Variants in NUP133 observed in about 807,000 individuals in gnomAD.
The protein encoded by NUP133 is nucleoporin 133.
In NUP133, 66 loss-of-function variants were observed where a neutral mutation model predicts 146.2. The observed-to-expected ratio is 0.45, with a 90% CI of 0.37 to 0.55. NUP133 has a LOEUF of 0.55. Ranked by LOEUF, NUP133 falls within the 20% of genes least tolerant of loss-of-function variation. NUP133 has a pLI of 0.00. For synonymous variants in NUP133, 521 were observed against 498.8 expected, an observed-to-expected ratio of 1.04 and a Z score of -0.59; for missense variants, 1,277 against 1,374.8, an observed-to-expected ratio of 0.93 and a Z score of 1.12.
chr1:229,483,179 G>C (rs1019204246), intron 12 of NUP133, among the ~76,000 whole-genome samples: 2 of 152,140 alleles, frequency 1.3e-5, no homozygotes, highest in African/African-American at 4.8e-5. Flanking sequence ...GCTCACAGTA[G>C]ACTTGGCCTC....
intron 21 of NUP133, among the ~76,000 whole-genome samples, chr1:229,457,948 T>C (rs973646031): frequency 3.3e-5 from 5 of 152,242 alleles, no homozygotes; most frequent in Admixed American, 2.6e-4. Context: ...GTCTATTCTT[T>C]AGGAATTCTT....
intron 12 of NUP133, among the ~76,000 whole-genome samples, chr1:229,478,413 C>T (rs1358307510): frequency 4.0e-5 from 6 of 151,606 alleles, no homozygotes; most frequent in African/African-American, 1.5e-4. Context: ...GGAAAACTTC[C>T]TAACAGGTAA....
chr1:229,472,352 T>G (rs1251887137), intron 14 of NUP133, among the ~76,000 whole-genome samples: 3 of 149,796 alleles, frequency 2.0e-5, no homozygotes, highest in African/African-American at 7.4e-5. Context: ...AGGTGGAGTT[T>G]TCATGCAAGG....
chr1:229,493,858 C>A (rs940101724), intron 8 of NUP133, among the ~76,000 whole-genome samples: 2 of 152,182 alleles, frequency 1.3e-5, no homozygotes, highest in Non-Finnish European at 2.9e-5. Flanking sequence ...CATGGCCAGG[C>A]GTGGTGGCTG....
Position 229,458,166 on chromosome 1 carries a change from A to G in NUP133, c.2975T>C (p.Ile992Thr), listed in dbSNP as rs987269199. Reference protein sequence around the residue: ...DFSEDMLQEKIEEMAEQERFL... With the variant: ...DFSEDMLQEKTEEMAEQERFL... ...TTTTGCTCAAATTCTTTCACCTTCA[A>G]TTTTTTCTTGTAGCATATCCTCTGA... Residue 992 changes from isoleucine (I) to threonine (T), a missense_variant, in exon 21 of 26, where the codon ATT (isoleucine) becomes ACT (threonine). Transcript: ENST00000261396. 7.5e-6 allele frequency: 12 copies of G among 1,607,658 alleles called. No individual in the cohort carries two copies. Among genetic ancestry groups the G allele is most frequent in the Non-Finnish European group, 1.0e-5 (12 of 1,176,590 alleles).
chr1:229,462,087 T>C (rs1174304982), intron 19 of NUP133, among the ~76,000 whole-genome samples: 1 of 152,246 alleles, frequency 6.6e-6, no homozygotes, highest in Non-Finnish European at 1.5e-5. Flanking sequence ...TTTTGCCATG[T>C]TGGCCAGGCT....
At chr1:229,489,169 G>C (rs904901057) in intron 9 of NUP133, among the ~76,000 whole-genome samples, 11 of 151,730 alleles carry the variant, frequency 7.2e-5, no homozygotes, top group African/African-American at 2.4e-4. Flanking sequence ...TTTTAGGATG[G>C]AGTCTCATTA....
rs1661780873 is a variant in NUP133, at chr1:229,500,840, C to T, written c.429G>A (p.Gln143=). 1 of 1,612,424 alleles carries T rather than the reference C, an allele frequency of 6.2e-7. No homozygotes were observed. Among genetic ancestry groups the T allele is most frequent in the African/African-American group, 1.3e-5 (1 of 74,904 alleles). ...TCCAGTGGAAATCACTAGGTGGCAG[C>T]TGAAGTTCTTTGCAAACGGATAACT... The part of the protein sequence containing the change: ...ITKLSVCKEL[Q]LPPSDFHWSA... Residue 143 remains glutamine, a synonymous_variant, in exon 4 of 26, where the codon CAG becomes CAA. Coordinates refer to ENST00000261396, the MANE Select transcript of NUP133 (RefSeq NM_018230.3).
intron 1 of NUP133, among the ~76,000 whole-genome samples, chr1:229,507,716 C>G (rs1216245295): frequency 1.3e-5 from 2 of 152,182 alleles, no homozygotes; most frequent in Non-Finnish European, 2.9e-5. Flanking sequence ...ACTCCTCTGG[C>G]TCAGGTGAGA....
In NUP133 at chr1:229,459,500, T is replaced by C. The variant is rs548983086; in HGVS notation, c.2844+1111A>G. Among the ~76,000 whole-genome samples, 8 of 152,334 alleles carry C rather than the reference T, an allele frequency of 5.3e-5. No individual in the cohort carries two copies. In the South Asian group the frequency reaches 1.2e-3, roughly 24 times the overall value. On this transcript the variant is annotated intron_variant, in intron 20 of 25. Coordinates refer to ENST00000261396, the MANE Select transcript of NUP133 (RefSeq NM_018230.3). ...TGAGTTCCTTATATGTATGTATATA[T>C]GTATATGTGTATGTGTGTACCTGTG...
intron 12 of NUP133, 92 bp from the exon 13 acceptor site, chr1:229,477,852 C>CA (rs1380662595): frequency 1.1e-4 from 103 of 912,120 alleles, no homozygotes; most frequent in South Asian, 1.5e-4. Flanking sequence ...ACTATTCAGC[C>CA]AAAAAAAAGA....
intron 5 of NUP133, chr1:229,499,154 CCATT>C (rs1470587909): frequency 4.3e-6 from 2 of 468,448 alleles, no homozygotes; most frequent in East Asian, 6.9e-5. Flanking sequence ...TCCGCTTCAG[CCATT>C]CAAAGTGGTG....
intron 2 of NUP133, among the ~76,000 whole-genome samples, chr1:229,503,810 A>C: frequency 6.6e-6 from 1 of 152,184 alleles, no homozygotes; most frequent in East Asian, 1.9e-4. Context: ...AGAGTTCTTC[A>C]AGTTGACACA....
Position 229,441,192 on chromosome 1 carries a change from A to G in NUP133, c.*712T>C. The stretch of plus-strand genomic sequence containing the variant: ...GTAAAGATTCATGAGTCATTCTGAA[A>G]ATACATGAGGCTGGCTGAATCCCCA... On this transcript the variant is annotated 3_prime_UTR_variant, in exon 26 of 26. Coordinates refer to ENST00000261396, the MANE Select transcript of NUP133 (RefSeq NM_018230.3). 3.0e-6 allele frequency: 1 copy of G among 333,866 alleles called. No individual in the cohort carries two copies. Among genetic ancestry groups the G allele is most frequent in the South Asian group, 2.5e-5 (1 of 40,318 alleles). The allele number at this position is 333,866 out of a possible 1,614,324, so 20.7% of individuals were successfully genotyped here.
In NUP133 at chr1:229,440,483, C is replaced by T. The variant is rs34816777; in HGVS notation, c.*1421G>A. 6,877 of 152,290 alleles carry T rather than the reference C, an allele frequency of 0.045. 464 individuals are homozygous for T. The highest frequency in any genetic ancestry group is 0.15 in the African/African-American group (6,131 of 41,496). 9.4% of individuals were successfully genotyped at this position (152,290 alleles called of 1,614,324 possible). ...GGCTTTCCTGCGGTACTGTCCCATA[C>T]ACCAGGGATCACCAGGTTTGCAGCA... On this transcript the variant is annotated 3_prime_UTR_variant, in exon 26 of 26. Transcript: ENST00000261396.
intron 9 of NUP133, among the ~76,000 whole-genome samples, chr1:229,488,822 A>G (rs1002073443): frequency 6.6e-6 from 1 of 152,210 alleles, no homozygotes; most frequent in Non-Finnish European, 1.5e-5. Context: ...ACTCCAGTCC[A>G]AGCAACACAG....
At chr1:229,502,891 T>G (rs541519432) in intron 2 of NUP133, among the ~76,000 whole-genome samples, 2 of 151,400 alleles carry the variant, frequency 1.3e-5, no homozygotes, top group African/African-American at 4.9e-5. Context: ...CCCAGGAGAT[T>G]GAAGCTGCAG....
intron 9 of NUP133, among the ~76,000 whole-genome samples, chr1:229,488,291 C>A (rs945871516): frequency 6.6e-6 from 1 of 151,842 alleles, no homozygotes; most frequent in Non-Finnish European, 1.5e-5. Flanking sequence ...ATAAATATTC[C>A]CTGATAAACA....
At chr1:229,492,384 G>A (rs1277953237) in intron 8 of NUP133, among the ~76,000 whole-genome samples, 1 of 152,124 alleles carries the variant, frequency 6.6e-6, no homozygotes, top group Non-Finnish European at 1.5e-5. Flanking sequence ...TGGGATTACA[G>A]GCACGAGCCA....
Sources: gnomAD v4.1 joint callset for allele counts (sites outside exome capture counted in the v4.1 genomes callset) on GRCh38, gnomAD v4.1.1 for gene constraint, MANE v1.5 for transcripts, NCBI Gene and HGNC (gene_info 2026-07-23, HGNC 2026-07-21) for gene names.